The following LRP2 variants were observed in gnomAD, a reference collection of about 807,000 sequenced individuals.
LRP2 encodes the protein low-density lipoprotein receptor-related protein 2.
In LRP2, 172 loss-of-function variants were observed where a neutral mutation model predicts 531.0. The observed-to-expected ratio is 0.32, with a 90% CI of 0.29 to 0.37. LRP2 has a LOEUF of 0.37. LRP2 is among the 10% of genes least tolerant of loss of function. The probability of loss-of-function intolerance (pLI) is 1.00; values close to 1 mark genes in which losing one functional copy is unlikely to be tolerated. For synonymous variants in LRP2, 1,992 were observed against 2,027.6 expected (o/e 0.98, Z 0.47); for missense variants, 5,167 against 5,868.3 (o/e 0.88, Z 3.90).
At chr2:169,260,934 A>G (rs1690521513) in intron 16 of LRP2, among the ~76,000 whole-genome samples, 1 of 152,048 alleles carries the variant, frequency 6.6e-6, no homozygotes, top group Non-Finnish European at 1.5e-5. Flanking sequence ...AAGAAAGAAT[A>G]TTTGAGAGAA....
chr2:169,257,209 T>C lies in LRP2; in HGVS notation c.2554A>G (p.Met852Val). 3 of 1,612,946 alleles carry C rather than the reference T, an allele frequency of 1.9e-6. No homozygotes were observed. Among genetic ancestry groups the C allele is most frequent in the Non-Finnish European group, 2.5e-6 (3 of 1,179,202 alleles). The change falls in exon 18 of 79, where the codon ATG becomes GTG. Residue 852 changes from methionine (M) to valine (V), a missense_variant. This residue lies in a region of LRP2 where 2,811 missense variants were observed against 3,058.0 expected (regional missense o/e 0.92). Coordinates refer to ENST00000649046, the MANE Select transcript of LRP2 (RefSeq NM_004525.3). The part of the protein sequence containing the change: ...FTDWFRPAKI[M>V]RAWSDGSHLL... Reference sequence around the variant, plus strand: ...TGAGATCCGTCACTCCATGCTCTCATAATTTTAGCAGGACGGAACCAATCA... The same window carrying C: ...TGAGATCCGTCACTCCATGCTCTCACAATTTTAGCAGGACGGAACCAATCA...
intron 62 of LRP2, among the ~76,000 whole-genome samples, chr2:169,162,859 C>T (rs923722430): frequency 1.1e-4 from 17 of 152,216 alleles, no homozygotes; most frequent in Admixed American, 3.9e-4. Context: ...GCTGCAGCAA[C>T]CTTGGAAGCC....
At chr2:169,282,409 GT>G (rs1380348523) in intron 10 of LRP2, among the ~76,000 whole-genome samples, 1 of 152,168 alleles carries the variant, frequency 6.6e-6, no homozygotes, top group Non-Finnish European at 1.5e-5. Flanking sequence ...ATTACCCAGA[GT>G]TAGTGCATTC....
chr2:169,349,287 C>A (rs996192231), intron 1 of LRP2, among the ~76,000 whole-genome samples: 8 of 151,950 alleles, frequency 5.3e-5, no homozygotes, highest in Non-Finnish European at 1.2e-4. Flanking sequence ...TGAGCAAAGA[C>A]CTGTAGGAGG....
chr2:169,172,146 T>C lies in LRP2; in HGVS notation c.11144-12A>G, dbSNP rs1402376756. 6.2e-7 allele frequency: 1 copy of C among 1,614,082 alleles called. No individual in the cohort carries two copies. Among genetic ancestry groups the C allele is most frequent in the East Asian group, 2.2e-5 (1 of 44,870 alleles). ...GCATGTCCTCTCCTCTGCAAAGCAG[T>C]CATTGCAAAGACTTCATAAACCATT... On this transcript the variant is annotated splice_polypyrimidine_tract_variant and intron_variant, in intron 57 of 78. Coordinates refer to ENST00000649046, the MANE Select transcript of LRP2 (RefSeq NM_004525.3).
At chr2:169,340,124 C>T (rs1685525022) in intron 1 of LRP2, among the ~76,000 whole-genome samples, 1 of 152,060 alleles carries the variant, frequency 6.6e-6, no homozygotes, top group Non-Finnish European at 1.5e-5. Flanking sequence ...ATAATAGTTC[C>T]TCAAATATTT....
intron 76 of LRP2, 126 bp from the exon 77 acceptor site, chr2:169,132,807 C>T: frequency 1.4e-6 from 1 of 694,318 alleles, no homozygotes; most frequent in Non-Finnish European, 2.7e-6. Context: ...TCATCAGGCA[C>T]CATTTTTATT....
intron 1 of LRP2, among the ~76,000 whole-genome samples, chr2:169,359,179 AG>A (rs1686078344): frequency 6.6e-6 from 1 of 152,138 alleles, no homozygotes; most frequent in Non-Finnish European, 1.5e-5. Context: ...TATGCTTACA[AG>A]ATGTCATTGG....
chr2:169,132,543 C>T (rs1344964488), intron 77 of LRP2, 31 bp downstream of exon 77: 1 of 1,309,782 alleles, frequency 7.6e-7, no homozygotes, highest in Admixed American at 1.7e-5. Context: ...TTTCCAAATC[C>T]CACATTATTT....
intron 66 of LRP2, among the ~76,000 whole-genome samples, chr2:169,153,818 T>C (rs1331614000): frequency 6.6e-6 from 1 of 152,188 alleles, no homozygotes; most frequent in Non-Finnish European, 1.5e-5. Context: ...GATAGAGCCA[T>C]GAGAGATTCA....
intron 75 of LRP2, 28 bp from the exon 76 acceptor site, chr2:169,137,521 GAGAGAGAGAGAGAAAC>G: frequency 1.5e-6 from 2 of 1,318,470 alleles, no homozygotes; most frequent in South Asian, 1.2e-5. Context: ...AAGAGAGAGA[GAGAGAGAGAGAGAAAC>G]AGAGAGAGAG....
At chr2:169,314,879 A>G (rs1400121824) in intron 3 of LRP2, among the ~76,000 whole-genome samples, 2 of 152,234 alleles carry the variant, frequency 1.3e-5, no homozygotes, top group Non-Finnish European at 2.9e-5. Context: ...ATTTAAGTAT[A>G]TATTGCCAAT....
At chr2:169,143,419 G>C (rs375100167) in intron 70 of LRP2, among the ~76,000 whole-genome samples, 4 of 152,164 alleles carry the variant, frequency 2.6e-5, no homozygotes, top group East Asian at 1.9e-4. Flanking sequence ...GCTTTGGGCG[G>C]ATCACGAGGT....
At chr2:169,292,964 C>T (rs773747940) in intron 6 of LRP2, among the ~76,000 whole-genome samples, 19 of 152,120 alleles carry the variant, frequency 1.2e-4, no homozygotes, top group Non-Finnish European at 2.4e-4. Context: ...CTACAAGCTC[C>T]GTAATTGCTA....
chr2:169,136,313 C>A (rs187356001), intron 76 of LRP2, among the ~76,000 whole-genome samples: 13 of 151,958 alleles, frequency 8.6e-5, no homozygotes, highest in Admixed American at 2.0e-4. Flanking sequence ...CCATGCCACC[C>A]CCCCAAAAAT....
rs1688523860 is a variant in LRP2, at chr2:169,209,632, G to A, written c.6290C>T (p.Ala2097Val). ...GGACACATCCACATCCACATGCAGT[G>A]CGTTTCGTCCTGGAAGTTAAGAAAA... ...MVPVAGQGRN[A>V]LHVDVDVSSG... The change falls in exon 38 of 79, where the codon GCA becomes GTA. Residue 2097 changes from alanine to valine, a missense_variant. Coordinates refer to ENST00000649046, the MANE Select transcript of LRP2 (RefSeq NM_004525.3). 2 of 1,613,840 alleles carry A rather than the reference G, an allele frequency of 1.2e-6. No individual in the cohort carries two copies. Among genetic ancestry groups the A allele is most frequent in the Admixed American group, 1.7e-5 (1 of 59,966 alleles).
At chr2:169,220,743 A>C (rs1688963339) in intron 33 of LRP2, among the ~76,000 whole-genome samples, 180 bp from the exon 34 acceptor site, 1 of 152,178 alleles carries the variant, frequency 6.6e-6, no homozygotes, top group South Asian at 2.1e-4. Context: ...AAATTAGCTC[A>C]ATAGAAAATG....
chr2:169,183,486 T>G (rs1054196790), intron 50 of LRP2, among the ~76,000 whole-genome samples: 7 of 152,162 alleles, frequency 4.6e-5, no homozygotes, highest in African/African-American at 1.7e-4. Flanking sequence ...ATTATATTAT[T>G]TCAGATCACA....
chr2:169,173,120 C>T lies in LRP2; in HGVS notation c.11119G>A (p.Asp3707Asn), dbSNP rs1687062842. The change falls in exon 57 of 79, where the codon GAC (aspartate) becomes AAC (asparagine). Residue 3707 changes from aspartate (D) to asparagine (N), a missense_variant. Physicochemically the swap from Asp to Asn is conservative, Grantham distance 23. Transcript: ENST00000649046. ...AVCNGVDDCR[D>N]NSDEQGCEER... ...CCACAGCCTTGCTCATCACTGTTGT[C>T]CCTGCAGTCATCTACACCATTGCAC... is the stretch of plus-strand genomic sequence containing the variant. 1.2e-6 allele frequency: 2 copies of T among 1,614,002 alleles called. No individual in the cohort carries two copies. Among genetic ancestry groups the T allele is most frequent in the South Asian group, 1.1e-5 (1 of 91,082 alleles).
Sources: gnomAD v4.1 joint callset for allele counts (sites outside exome capture counted in the v4.1 genomes callset) on GRCh38, gnomAD v4.1.1 for gene constraint, gnomAD v4.1.1 regional missense constraint, MANE v1.5 for transcripts, NCBI Gene and HGNC (gene_info 2026-07-23, HGNC 2026-07-21) for gene names.